CDKAL1: variants seen among roughly 807,000 people sequenced by gnomAD.
CDKAL1 encodes CDKAL1 threonylcarbamoyladenosine tRNA methylthiotransferase.
In CDKAL1, 32 loss-of-function variants were observed where a neutral mutation model predicts 68.2. That is an observed-to-expected ratio of 0.47 (90% CI 0.35 to 0.63). The LOEUF (loss-of-function observed/expected upper bound fraction) is 0.63. Ranked by LOEUF, CDKAL1 falls within the 30% of genes least tolerant of loss-of-function variation. The probability of loss-of-function intolerance (pLI) is 0.00; values close to 1 mark genes in which losing one functional copy is unlikely to be tolerated. For synonymous variants in CDKAL1, 234 were observed against 244.3 expected (o/e 0.96, Z 0.39); for missense variants, 606 against 696.7 (o/e 0.87, Z 1.47).
At chr6:20,734,675 A>T (rs1346089656) in intron 5 of CDKAL1, among the ~76,000 whole-genome samples, 2 of 152,138 alleles carry the variant, frequency 1.3e-5, no homozygotes, top group Non-Finnish European at 2.9e-5. Flanking sequence ...TTCGGCTTAG[A>T]TTATAGTTCT....
chr6:20,850,587 A>G (rs373243852), intron 9 of CDKAL1, among the ~76,000 whole-genome samples: 41 of 152,104 alleles, frequency 2.7e-4, no homozygotes, highest in African/African-American at 8.9e-4. Context: ...ACAGGTGTGC[A>G]CTACCACACC....
chr6:20,962,611 A>G (rs985579346), intron 10 of CDKAL1, among the ~76,000 whole-genome samples: 2 of 152,176 alleles, frequency 1.3e-5, no homozygotes, highest in East Asian at 1.9e-4. Flanking sequence ...TGTTTCATCA[A>G]AGCAATACAG....
At chr6:20,670,423 A>G (rs939631967) in intron 5 of CDKAL1, among the ~76,000 whole-genome samples, 2 of 152,186 alleles carry the variant, frequency 1.3e-5, no homozygotes, top group African/African-American at 4.8e-5. Context: ...TCTTTTACTC[A>G]GAGAATGATC....
intron 8 of CDKAL1, among the ~76,000 whole-genome samples, chr6:20,838,641 G>A (rs1449359152): frequency 6.6e-6 from 1 of 152,068 alleles, no homozygotes; most frequent in Non-Finnish European, 1.5e-5. Context: ...GTCTCCCAGG[G>A]AGTAAGCTGC....
At chr6:20,737,273 T>C (rs772965975) in intron 5 of CDKAL1, among the ~76,000 whole-genome samples, 1 of 152,220 alleles carries the variant, frequency 6.6e-6, no homozygotes, top group Non-Finnish European at 1.5e-5. Flanking sequence ...ATGTTAGCTA[T>C]CCATCTCACT....
At chr6:20,790,392 G>C (rs1775848534) in intron 8 of CDKAL1, among the ~76,000 whole-genome samples, 1 of 152,198 alleles carries the variant, frequency 6.6e-6, no homozygotes, top group African/African-American at 2.4e-5. Flanking sequence ...AGTGGTTATT[G>C]CATTGTGAAA....
At chr6:20,957,204 G>A (rs1311200974) in intron 10 of CDKAL1, among the ~76,000 whole-genome samples, 1 of 152,026 alleles carries the variant, frequency 6.6e-6, no homozygotes, top group Non-Finnish European at 1.5e-5. Flanking sequence ...GATCTGATCA[G>A]GGATCCAGGG....
intron 4 of CDKAL1, among the ~76,000 whole-genome samples, chr6:20,598,534 T>A (rs1201519290): frequency 6.6e-6 from 1 of 152,226 alleles, no homozygotes; most frequent in African/African-American, 2.4e-5. Context: ...CTTAATGACA[T>A]GACCTCCCAT....
chr6:20,603,566 G>C (rs1368952573), intron 4 of CDKAL1, among the ~76,000 whole-genome samples: 2 of 151,892 alleles, frequency 1.3e-5, no homozygotes, highest in African/African-American at 4.8e-5. Flanking sequence ...TTTATAAGTG[G>C]GTCTGGATGA....
At chr6:21,020,378 A>G (rs896906600) in intron 11 of CDKAL1, among the ~76,000 whole-genome samples, 1 of 152,184 alleles carries the variant, frequency 6.6e-6, no homozygotes. Context: ...ATCTTCAACT[A>G]CTTTTAGCTG....
At chr6:20,606,811 A>T (rs998284772) in intron 4 of CDKAL1, among the ~76,000 whole-genome samples, 1 of 152,320 alleles carries the variant, frequency 6.6e-6, no homozygotes, top group African/African-American at 2.4e-5. Context: ...CTGTCTGCCA[A>T]TGCGTTTTTG....
intron 5 of CDKAL1, among the ~76,000 whole-genome samples, chr6:20,721,336 C>T (rs1772348862): frequency 6.6e-6 from 1 of 152,076 alleles, no homozygotes; most frequent in East Asian, 1.9e-4. Context: ...TTTTATGTGC[C>T]ACATTTTTTA....
intron 11 of CDKAL1, among the ~76,000 whole-genome samples, chr6:21,020,435 C>T (rs1228434166): frequency 6.6e-6 from 1 of 152,076 alleles, no homozygotes; most frequent in Non-Finnish European, 1.5e-5. Context: ...TTCACAGGTA[C>T]TATTACGTAC....
intron 8 of CDKAL1, among the ~76,000 whole-genome samples, chr6:20,822,823 A>G (rs1272581576): frequency 6.6e-6 from 1 of 152,030 alleles, no homozygotes; most frequent in Non-Finnish European, 1.5e-5. Context: ...TAAGTTTCCA[A>G]GCCTCCCCAG....
intron 9 of CDKAL1, among the ~76,000 whole-genome samples, chr6:20,938,375 C>T (rs7747773): frequency 0.91 from 138,622 of 152,180 alleles, 63,265 homozygotes; most frequent in East Asian, 1. Context: ...GTTGGGAGAA[C>T]AGAGTTTTGA....
At chr6:21,042,983 G>C (rs1219063208) in intron 11 of CDKAL1, among the ~76,000 whole-genome samples, 1 of 152,100 alleles carries the variant, frequency 6.6e-6, no homozygotes, top group Non-Finnish European at 1.5e-5. Context: ...TACTTTATGG[G>C]AGTGCTTAGG....
chr6:20,641,262 C>T (rs1174488802), intron 4 of CDKAL1, among the ~76,000 whole-genome samples: 1 of 151,920 alleles, frequency 6.6e-6, no homozygotes, highest in Non-Finnish European at 1.5e-5. Context: ...GAAAGGGAAA[C>T]TTAAAAACAT....
intron 4 of CDKAL1, among the ~76,000 whole-genome samples, chr6:20,636,047 C>G (rs1421063153): frequency 8.5e-5 from 13 of 152,108 alleles, no homozygotes; most frequent in Admixed American, 8.5e-4. Context: ...AAGGATGTTC[C>G]TTTCCTCTGG....
intron 13 of CDKAL1, among the ~76,000 whole-genome samples, chr6:21,143,148 T>C (rs1057053100): frequency 1.3e-5 from 2 of 152,230 alleles, no homozygotes; most frequent in African/African-American, 2.4e-5. Context: ...TCTGAATTTG[T>C]ACTTCATTTA....
Sources: gnomAD v4.1 joint callset for allele counts (sites outside exome capture counted in the v4.1 genomes callset) on GRCh38, gnomAD v4.1.1 for gene constraint, MANE v1.5 for transcripts, NCBI Gene and HGNC (gene_info 2026-07-23, HGNC 2026-07-21) for gene names.